The following IMMP2L variants were observed in gnomAD, a reference collection of about 807,000 sequenced individuals.
IMMP2L encodes mitochondrial inner membrane protease subunit 2.
IMMP2L carries 18 observed loss-of-function variants against 19.3 expected under a neutral mutation model. That is an observed-to-expected ratio of 0.93 (90% CI 0.64 to 1.38). IMMP2L has a LOEUF of 1.38. IMMP2L is among the 40% of genes most tolerant of loss of function. IMMP2L has a pLI of 0.00. For synonymous variants in IMMP2L, 76 were observed against 73.0 expected (o/e 1.04, Z -0.21); for missense variants, 233 against 218.2 (o/e 1.07, Z -0.43).
At position 111,214,331 on chromosome 7, in the gene IMMP2L, C is replaced by CTTTT. The variant is rs1169450523; in HGVS notation, c.240-250770_240-250767dup. Among the ~76,000 whole-genome samples, 19 of 82,176 alleles carry CTTTT rather than the reference C, an allele frequency of 2.3e-4. 1 individual carries two copies. The highest frequency in any genetic ancestry group is 5.8e-4 in the African/African-American group (11 of 18,834). 53.9% of individuals were successfully genotyped at this position (82,176 alleles called of 152,430 possible). On this transcript the variant is annotated intron_variant, in intron 3 of 5. Transcript: ENST00000405709. ...AATGAATGACAAAGTAATTTTTCTT[C>CTTTT]TTTTTTTTTTTTTTTTTTTTTTTTT...
rs999825070 is a variant in IMMP2L, at chr7:110,877,671, G to C, written c.408+8922C>G. On this transcript the variant is annotated intron_variant, in intron 5 of 5. Coordinates refer to ENST00000405709, the MANE Select transcript of IMMP2L (RefSeq NM_032549.4). This position sits in a 1 kb window ranked among gnomAD's most constrained non-coding sequence, Gnocchi z 4.0. ...TTGAGCCAGACTGCGCTTAGGCCTC[G>C]GCAAGAGGCACTACTTTTTTGGTGC... Among the ~76,000 whole-genome samples, 10 of 152,012 alleles carry C rather than the reference G, an allele frequency of 6.6e-5. No homozygotes were observed. Among genetic ancestry groups the C allele is most frequent in the Non-Finnish European group, 1.3e-4 (9 of 68,006 alleles).
At chr7:111,500,742 A>G (rs1844135511) in intron 2 of IMMP2L, among the ~76,000 whole-genome samples, 1 of 152,314 alleles carries the variant, frequency 6.6e-6, no homozygotes, top group East Asian at 1.9e-4. Context: ...GCAAACTCCA[A>G]CAGACCTGCA....
chr7:110,921,817 A>G (rs1162725550), intron 4 of IMMP2L, among the ~76,000 whole-genome samples: 1 of 152,200 alleles, frequency 6.6e-6, no homozygotes, highest in Non-Finnish European at 1.5e-5. Flanking sequence ...GCTCTGGCAC[A>G]AGGAGGACAC....
intron 3 of IMMP2L, among the ~76,000 whole-genome samples, chr7:111,339,281 G>A (rs1248951304): frequency 7.9e-5 from 12 of 151,658 alleles, no homozygotes; most frequent in Admixed American, 7.2e-4. Context: ...TCTCCTCCCT[G>A]GTTCATTTAG....
At chr7:111,493,858 GGTGTA>G (rs972020524) in intron 2 of IMMP2L, among the ~76,000 whole-genome samples, 1 of 150,994 alleles carries the variant, frequency 6.6e-6, no homozygotes, top group African/African-American at 2.4e-5. Flanking sequence ...AAATTAGCCG[GGTGTA>G]GTGGTGGGCC....
chr7:110,663,196 G>A lies in IMMP2L; in HGVS notation c.*406C>T, dbSNP rs1463900364. 2 of 194,802 alleles carry A rather than the reference G, an allele frequency of 1.0e-5. No individual in the cohort carries two copies. The highest frequency in any genetic ancestry group is 2.1e-5 in the Non-Finnish European group (2 of 94,530). The allele number at this position is 194,802 out of a possible 1,614,324, so 12.1% of individuals were successfully genotyped here. A position where few individuals can be genotyped will look rare whatever the true frequency, so the allele number is the denominator to read the frequency against. On this transcript the variant is annotated 3_prime_UTR_variant, in exon 6 of 6. Transcript: ENST00000405709. ...CCTTCTTGTTCTACCTTAACAGCAA[G>A]TGACAAATACATCATTTTTATTGAA...
chr7:110,973,939 G>T (rs751084359), intron 3 of IMMP2L, among the ~76,000 whole-genome samples: 1 of 151,896 alleles, frequency 6.6e-6, no homozygotes, highest in Non-Finnish European at 1.5e-5. Context: ...GTCAAAATGG[G>T]GCCAAACCGT....
chr7:110,944,645 T>C (rs1171228946), intron 4 of IMMP2L, among the ~76,000 whole-genome samples: 1 of 151,960 alleles, frequency 6.6e-6, no homozygotes, highest in African/African-American at 2.4e-5. Flanking sequence ...TACTAGTTAG[T>C]TACCAGTTTA....
chr7:110,888,590 G>A (rs911743646), intron 4 of IMMP2L, among the ~76,000 whole-genome samples: 3 of 152,136 alleles, frequency 2.0e-5, no homozygotes, highest in African/African-American at 7.2e-5. Context: ...ATGAAACCAA[G>A]ATTGAGTTTT....
At position 111,227,081 on chromosome 7, in the gene IMMP2L, G is replaced by A. The variant is rs185266337; in HGVS notation, c.239+260157C>T. Among the ~76,000 whole-genome samples the A allele has an allele frequency of 1.6e-4, 24 of 152,094 alleles. No homozygotes were observed. In the East Asian group the frequency reaches 3.9e-3, roughly 25 times the overall value. On this transcript the variant is annotated intron_variant, in intron 3 of 5. Transcript: ENST00000405709. ...ATGAAAACAAATAAATTGCTCAGGT[G>A]AATAAGAAGGGGTGGGTTGAAGCTG...
At chr7:111,470,835 C>G (rs868590039) in intron 3 of IMMP2L, among the ~76,000 whole-genome samples, 41 of 151,108 alleles carry the variant, frequency 2.7e-4, no homozygotes, top group African/African-American at 9.5e-4. Flanking sequence ...TGTAACTAAC[C>G]TGCACATTGT....
chr7:110,942,596 C>G (rs1366242687), intron 4 of IMMP2L, among the ~76,000 whole-genome samples: 2 of 151,624 alleles, frequency 1.3e-5, no homozygotes, highest in Non-Finnish European at 2.9e-5. Context: ...AATGAATAAT[C>G]TTCCAACAGA....
intron 4 of IMMP2L, among the ~76,000 whole-genome samples, chr7:110,922,069 T>A (rs539848534): frequency 1.9e-4 from 29 of 152,186 alleles, no homozygotes; most frequent in Admixed American, 5.9e-4. Context: ...CCATTAAGAA[T>A]AAGCTTCAGC....
At chr7:111,131,921 A>T (rs2129594145) in intron 3 of IMMP2L, among the ~76,000 whole-genome samples, 1 of 152,074 alleles carries the variant, frequency 6.6e-6, no homozygotes, top group Admixed American at 6.6e-5. Flanking sequence ...AAATAATAAC[A>T]GGAACTTTAT....
intron 5 of IMMP2L, among the ~76,000 whole-genome samples, chr7:110,696,999 G>A (rs974512652): frequency 4.6e-5 from 7 of 152,090 alleles, no homozygotes; most frequent in African/African-American, 1.7e-4. Flanking sequence ...AAGGTATGAG[G>A]GTCGAAATTC....
intron 5 of IMMP2L, among the ~76,000 whole-genome samples, chr7:110,673,843 A>G (rs1792094772): frequency 1.3e-5 from 2 of 152,130 alleles, no homozygotes; most frequent in Non-Finnish European, 2.9e-5. Flanking sequence ...ACTTCCCCAT[A>G]TCTTCCTGTC....
At chr7:111,148,953 G>T (rs1260817663) in intron 3 of IMMP2L, among the ~76,000 whole-genome samples, 1 of 151,986 alleles carries the variant, frequency 6.6e-6, no homozygotes, top group Non-Finnish European at 1.5e-5. Context: ...CTAAAACAGA[G>T]ATAACTTAAT....
intron 4 of IMMP2L, among the ~76,000 whole-genome samples, chr7:110,921,124 C>G (rs1814228897): frequency 6.6e-6 from 1 of 152,192 alleles, no homozygotes; most frequent in African/African-American, 2.4e-5. Context: ...TGTTTTGAAG[C>G]ATTTAAGTGA....
At chr7:111,118,479 A>T (rs118103170) in intron 3 of IMMP2L, among the ~76,000 whole-genome samples, 1 of 152,158 alleles carries the variant, frequency 6.6e-6, no homozygotes, top group Non-Finnish European at 1.5e-5. Flanking sequence ...TTTGATTTTA[A>T]CGGCCTAAAC....
Sources: gnomAD v4.1 joint callset for allele counts (sites outside exome capture counted in the v4.1 genomes callset) on GRCh38, gnomAD v4.1.1 for gene constraint, Gnocchi (gnomAD v3.1) non-coding constraint, MANE v1.5 for transcripts, NCBI Gene and HGNC (gene_info 2026-07-23, HGNC 2026-07-21) for gene names.